HS3ST4: variants seen among roughly 807,000 people sequenced by gnomAD.
HS3ST4 encodes the protein heparan sulfate glucosamine 3-O-sulfotransferase 4.
In HS3ST4, 17 loss-of-function variants were observed where a neutral mutation model predicts 29.2. The ratio of observed to expected loss-of-function variants is 0.58; its 90% CI spans 0.40 to 0.87. The LOEUF is 0.87. HS3ST4 is among the 40% of genes least tolerant of loss of function. HS3ST4 has a pLI of 0.00. For synonymous variants in HS3ST4, 314 were observed against 285.7 expected, an observed-to-expected ratio of 1.10 and a Z score of -1.00; for missense variants, 627 against 634.5, an observed-to-expected ratio of 0.99 and a Z score of 0.13.
chr16:25,730,878 A>C (rs1966566267), intron 1 of HS3ST4, among the ~76,000 whole-genome samples: 1 of 152,102 alleles, frequency 6.6e-6, no homozygotes, highest in African/African-American at 2.4e-5. Context: ...GATTTACCAG[A>C]AGGACTCACA....
chr16:25,801,140 G>C (rs1051359039), intron 1 of HS3ST4, among the ~76,000 whole-genome samples: 1 of 152,012 alleles, frequency 6.6e-6, no homozygotes, highest in Non-Finnish European at 1.5e-5. Flanking sequence ...CCGCTGGTCT[G>C]GGGGATTCAT....
intron 1 of HS3ST4, among the ~76,000 whole-genome samples, chr16:25,696,850 T>A (rs1332731517): frequency 6.6e-6 from 1 of 152,246 alleles, no homozygotes; most frequent in Admixed American, 6.5e-5. Flanking sequence ...TGCCTGCCAT[T>A]GTGGCAATTG....
intron 1 of HS3ST4, among the ~76,000 whole-genome samples, chr16:26,055,819 A>G (rs1300979360): frequency 6.6e-6 from 1 of 152,156 alleles, no homozygotes; most frequent in South Asian, 2.1e-4. Context: ...CTGAATATAC[A>G]GAAAGAAGTG....
intron 1 of HS3ST4, among the ~76,000 whole-genome samples, chr16:26,039,424 A>G (rs1383207711): frequency 6.6e-6 from 1 of 152,068 alleles, no homozygotes; most frequent in Admixed American, 6.6e-5. Context: ...AATACTTTGG[A>G]CAACTGTCCA....
In HS3ST4 at chr16:26,135,738, G is replaced by C; in HGVS notation, c.861G>C (p.Val287=). 6.2e-7 allele frequency: 1 copy of C among 1,614,118 alleles called. No homozygotes were observed. Among genetic ancestry groups the C allele is most frequent in the Non-Finnish European group, 8.5e-7 (1 of 1,180,002 alleles). Residue 287 remains valine (V), a synonymous_variant, in exon 2 of 2, where the codon GTG becomes GTC. Coordinates refer to ENST00000331351, the MANE Select transcript of HS3ST4 (RefSeq NM_006040.3). Reference sequence around the variant, plus strand: ...AGGACATCAAACTGATTGTGGTGGTGAGAAACCCCGTGACCAGGGCCATCT... The same window carrying C: ...AGGACATCAAACTGATTGTGGTGGTCAGAAACCCCGTGACCAGGGCCATCT... The part of the protein sequence containing the change: ...MAKDIKLIVV[V]RNPVTRAISD...
At chr16:25,999,899 A>T (rs183831571) in intron 1 of HS3ST4, among the ~76,000 whole-genome samples, 1,713 of 123,352 alleles carry the variant, frequency 0.014, 23 homozygotes, top group Non-Finnish European at 0.02. Context: ...TATATATTTT[A>T]TATATATATA....
intron 1 of HS3ST4, among the ~76,000 whole-genome samples, chr16:25,798,231 G>C (rs1396680906): frequency 6.6e-6 from 1 of 152,124 alleles, no homozygotes; most frequent in African/African-American, 2.4e-5. Context: ...GTGTTAGGTG[G>C]GTCTTGAGTA....
intron 1 of HS3ST4, among the ~76,000 whole-genome samples, chr16:26,111,291 T>C (rs914193271): frequency 6.6e-6 from 1 of 152,078 alleles, no homozygotes; most frequent in African/African-American, 2.4e-5. Context: ...TCCAAGCTGT[T>C]CTTAAACTCC....
chr16:25,823,516 A>C (rs891603636), intron 1 of HS3ST4, among the ~76,000 whole-genome samples: 1 of 152,170 alleles, frequency 6.6e-6, no homozygotes, highest in Non-Finnish European at 1.5e-5. Flanking sequence ...TATTGGAATT[A>C]TAAGATTTTC....
intron 1 of HS3ST4, among the ~76,000 whole-genome samples, chr16:25,818,920 G>A (rs1438440062): frequency 1.3e-5 from 2 of 152,096 alleles, no homozygotes; most frequent in Non-Finnish European, 2.9e-5. Flanking sequence ...AGCTCAAACT[G>A]TGAAAAGGTA....
chr16:25,882,164 A>G (rs950514262), intron 1 of HS3ST4, among the ~76,000 whole-genome samples: 10 of 152,192 alleles, frequency 6.6e-5, no homozygotes, highest in Admixed American at 6.5e-4. Flanking sequence ...TTCATGTGCT[A>G]CAGAGTCCAG....
At position 25,724,106 on chromosome 16, in the gene HS3ST4, C is replaced by G. The variant is rs541646491; in HGVS notation, c.734+30955C>G. On this transcript the variant is annotated intron_variant, in intron 1 of 1. Transcript: ENST00000331351. ...TCCAGCCTGGCGACAGAGCGAGACTCCATCTCAAAAAAAAAAAAAAAAAAA... is the reference window on the plus strand; with the variant it reads ...TCCAGCCTGGCGACAGAGCGAGACTGCATCTCAAAAAAAAAAAAAAAAAAA... Among the ~76,000 whole-genome samples the G allele has an allele frequency of 3.0e-3, 296 of 97,382 alleles. 1 individual carries two copies. In the South Asian group the frequency reaches 0.035, roughly 11 times the overall value. The allele number at this position is 97,382 out of a possible 152,430, so 63.9% of individuals were successfully genotyped here. A position where few individuals can be genotyped will look rare whatever the true frequency, so the allele number is the denominator to read the frequency against.
At chr16:25,703,047 T>C (rs553325385) in intron 1 of HS3ST4, among the ~76,000 whole-genome samples, 1 of 152,204 alleles carries the variant, frequency 6.6e-6, no homozygotes, top group African/African-American at 2.4e-5. Flanking sequence ...TAATCCCTGC[T>C]ACTCAGGAGG....
intron 1 of HS3ST4, among the ~76,000 whole-genome samples, chr16:26,010,497 A>G (rs1297706313): frequency 6.6e-6 from 1 of 152,132 alleles, no homozygotes; most frequent in Non-Finnish European, 1.5e-5. Flanking sequence ...ATGAAAATGT[A>G]ATTTTTAAAT....
At chr16:25,877,806 A>G (rs1219928094) in intron 1 of HS3ST4, among the ~76,000 whole-genome samples, 3 of 152,194 alleles carry the variant, frequency 2.0e-5, no homozygotes, top group Admixed American at 6.5e-5. Context: ...TCTTCCTTGT[A>G]TAACACTGTA....
intron 1 of HS3ST4, among the ~76,000 whole-genome samples, chr16:26,134,176 TAGC>T (rs1157338990): frequency 4.6e-5 from 7 of 152,016 alleles, no homozygotes; most frequent in African/African-American, 9.7e-5. Flanking sequence ...GGAGCAGCCT[TAGC>T]AAAGGAACCA....
chr16:25,914,535 G>A (rs1346022551), intron 1 of HS3ST4, among the ~76,000 whole-genome samples: 3 of 151,216 alleles, frequency 2.0e-5, no homozygotes, highest in Admixed American at 1.3e-4. Context: ...GCATGTATAT[G>A]TGTGTATGTG....
At chr16:25,998,498 C>G (rs1372637465) in intron 1 of HS3ST4, among the ~76,000 whole-genome samples, 2 of 152,192 alleles carry the variant, frequency 1.3e-5, no homozygotes, top group Non-Finnish European at 2.9e-5. Flanking sequence ...CTGGCCTTAA[C>G]TATGAAACTT....
chr16:25,715,545 C>A (rs542678494), intron 1 of HS3ST4, among the ~76,000 whole-genome samples: 14 of 152,300 alleles, frequency 9.2e-5, no homozygotes, highest in East Asian at 3.9e-4. Context: ...CTCAATGCTC[C>A]TTTCTCTTCT....
Sources: allele counts gnomAD v4.1 joint callset (sites outside exome capture counted in the v4.1 genomes callset), GRCh38; gene constraint gnomAD v4.1.1; transcripts MANE v1.5; gene names NCBI Gene and HGNC (gene_info 2026-07-23, HGNC 2026-07-21).